The following PDE4D variants were observed in gnomAD, a reference collection of about 807,000 sequenced individuals.
PDE4D encodes the protein phosphodiesterase 4D, also known as 3',5'-cyclic-AMP phosphodiesterase 4D.
PDE4D carries 24 observed loss-of-function variants against 87.4 expected under a neutral mutation model. That is an observed-to-expected ratio of 0.27 (90% CI 0.20 to 0.39). PDE4D has a LOEUF of 0.39. PDE4D is among the 10% of genes least tolerant of loss of function. The pLI, the probability that PDE4D is intolerant of heterozygous loss-of-function variation, is 1.00. For missense variants in PDE4D, 714 were observed against 1,041.0 expected, an observed-to-expected ratio of 0.69 and a Z score of 4.32; for synonymous variants, 384 against 383.2, an observed-to-expected ratio of 1.00 and a Z score of -0.02.
At chr5:59,541,694 C>G (rs1816379636) in intron 1 of PDE4D, among the ~76,000 whole-genome samples, 1 of 152,198 alleles carries the variant, frequency 6.6e-6, no homozygotes, top group East Asian at 1.9e-4. Flanking sequence ...GGGATTGATA[C>G]TATTATCAAT....
At chr5:59,093,836 AAGAG>A (rs949438444) in intron 5 of PDE4D, among the ~76,000 whole-genome samples, 4 of 152,222 alleles carry the variant, frequency 2.6e-5, no homozygotes, top group Non-Finnish European at 5.9e-5. Flanking sequence ...ATCTACAGGA[AAGAG>A]AGAGACAGAG....
intron 1 of PDE4D, among the ~76,000 whole-genome samples, chr5:59,721,944 A>C (rs115302247): frequency 1.4e-3 from 208 of 152,240 alleles, no homozygotes; most frequent in African/African-American, 4.8e-3. Context: ...GTGACAATAC[A>C]TCACAGCCTC....
chr5:60,484,647 C>T (rs1471851225), intron 1 of PDE4D, among the ~76,000 whole-genome samples: 1 of 152,092 alleles, frequency 6.6e-6, no homozygotes, highest in Non-Finnish European at 1.5e-5. Flanking sequence ...AGCATTGAAG[C>T]TCCAATGGGA....
At chr5:59,768,122 G>A in intron 1 of PDE4D, 1 of 1,171,088 alleles carries the variant, frequency 8.5e-7, no homozygotes, top group Non-Finnish European at 1.2e-6. Flanking sequence ...GAGATCACTT[G>A]GCCATAAATC....
intron 1 of PDE4D, among the ~76,000 whole-genome samples, chr5:60,362,904 T>A (rs918547490): frequency 2.0e-5 from 3 of 152,070 alleles, no homozygotes; most frequent in African/African-American, 7.2e-5. Context: ...TTCTGTTTGA[T>A]GTTTAAAAGA....
chr5:60,345,591 T>C (rs1037376997), intron 1 of PDE4D, among the ~76,000 whole-genome samples: 1 of 151,614 alleles, frequency 6.6e-6, no homozygotes, highest in Non-Finnish European at 1.5e-5. Context: ...ATTAACATTA[T>C]ATTGAAAGAG....
chr5:60,009,930 T>C (rs1383178905), intron 2 of PDE4D, among the ~76,000 whole-genome samples: 4 of 152,078 alleles, frequency 2.6e-5, no homozygotes, highest in Admixed American at 2.6e-4. Flanking sequence ...ATAATTTAAA[T>C]TTTGGTTATG....
intron 1 of PDE4D, among the ~76,000 whole-genome samples, chr5:59,282,099 A>T (rs960503068): frequency 6.6e-6 from 1 of 152,168 alleles, no homozygotes; most frequent in African/African-American, 2.4e-5. Context: ...TACAAATGTT[A>T]TCAGTGCTTA....
chr5:59,785,797 C>T lies in PDE4D; in HGVS notation c.455+107371G>A, dbSNP rs73758887. Among the ~76,000 whole-genome samples the T allele has an allele frequency of 8.1e-3, 1,234 of 152,154 alleles. 9 individuals carry two copies. Among genetic ancestry groups the T allele is most frequent in the African/African-American group, 0.028 (1,179 of 41,508 alleles). ...CCGAAGGATGGTACCATGTTTTTGC[C>T]GGTGGTACTCTAATGTTCAAATTTG... On this transcript the variant is annotated intron_variant, in intron 1 of 14. Coordinates refer to ENST00000340635, the MANE Select transcript of PDE4D (RefSeq NM_001104631.2).
intron 1 of PDE4D, among the ~76,000 whole-genome samples, chr5:59,729,185 C>G (rs1276943793): frequency 6.6e-6 from 1 of 152,034 alleles, no homozygotes; most frequent in Non-Finnish European, 1.5e-5. Flanking sequence ...TGCCTAGACT[C>G]GGTAGATTTT....
chr5:60,428,183 C>T (rs1210914377), intron 1 of PDE4D, among the ~76,000 whole-genome samples: 1 of 152,126 alleles, frequency 6.6e-6, no homozygotes, highest in Non-Finnish European at 1.5e-5. Context: ...AGGTACAATA[C>T]TGAGTATGAA....
intron 5 of PDE4D, among the ~76,000 whole-genome samples, chr5:59,108,053 G>A (rs796522145): frequency 1.3e-5 from 2 of 152,298 alleles, no homozygotes; most frequent in African/African-American, 4.8e-5. Context: ...AGGACTGCCC[G>A]GCTGAGCCCA....
chr5:59,255,068 C>T (rs1271344587), intron 1 of PDE4D, among the ~76,000 whole-genome samples: 2 of 152,030 alleles, frequency 1.3e-5, no homozygotes, highest in African/African-American at 4.8e-5. Context: ...GGAATATACC[C>T]AGAAGAAAGG....
intron 3 of PDE4D, among the ~76,000 whole-genome samples, chr5:59,915,738 C>T (rs1753967469): frequency 6.6e-6 from 1 of 152,068 alleles, no homozygotes; most frequent in Non-Finnish European, 1.5e-5. Context: ...ATATTCGTGT[C>T]TTACTCTTAA....
At chr5:58,996,646 A>G (rs1189236369) in intron 6 of PDE4D, among the ~76,000 whole-genome samples, 4 of 152,222 alleles carry the variant, frequency 2.6e-5, no homozygotes, top group Non-Finnish European at 4.4e-5. Context: ...TCACAGGTTT[A>G]TCTTCTAACT....
chr5:59,580,719 A>C (rs565163224), intron 1 of PDE4D, among the ~76,000 whole-genome samples: 1 of 152,244 alleles, frequency 6.6e-6, no homozygotes, highest in South Asian at 2.1e-4. Flanking sequence ...ATGTGCTATG[A>C]GATTTTCTTT....
At chr5:60,056,656 T>C (rs1332388840) in intron 2 of PDE4D, among the ~76,000 whole-genome samples, 1 of 152,062 alleles carries the variant, frequency 6.6e-6, no homozygotes, top group Non-Finnish European at 1.5e-5. Context: ...GCCCAAGTTC[T>C]GGGCTCTGCT....
At chr5:59,707,038 C>A (rs1753516000) in intron 1 of PDE4D, among the ~76,000 whole-genome samples, 1 of 152,182 alleles carries the variant, frequency 6.6e-6, no homozygotes, top group Non-Finnish European at 1.5e-5. Flanking sequence ...AAACTTAATG[C>A]ATGAAGTAAC....
At chr5:59,729,351 C>T (rs978421988) in intron 1 of PDE4D, among the ~76,000 whole-genome samples, 1 of 151,986 alleles carries the variant, frequency 6.6e-6, no homozygotes, top group Non-Finnish European at 1.5e-5. Flanking sequence ...CAGAAAGTTT[C>T]GTATATTTGT....
Sources: allele counts gnomAD v4.1 joint callset (sites outside exome capture counted in the v4.1 genomes callset), GRCh38; gene constraint gnomAD v4.1.1; transcripts MANE v1.5; gene names NCBI Gene and HGNC (gene_info 2026-07-23, HGNC 2026-07-21).